TMEM63A: variants seen among roughly 807,000 people sequenced by gnomAD.
The protein encoded by TMEM63A is mechanosensitive cation channel TMEM63A.
Under a neutral mutation model 100.6 loss-of-function variants are expected in TMEM63A, and 76 were observed. The observed-to-expected ratio is 0.76, with a 90% confidence interval of 0.63 to 0.91. TMEM63A has a LOEUF of 0.91. TMEM63A is among the 40% of genes least tolerant of loss of function. The pLI is 0.00. For synonymous variants in TMEM63A, 401 were observed against 401.1 expected (o/e 1.00, Z 0.00); for missense variants, 876 against 1,008.8 (o/e 0.87, Z 1.78).
At chr1:225,855,193 AT>A (rs1345447244) in intron 18 of TMEM63A, among the ~76,000 whole-genome samples, 1 of 152,124 alleles carries the variant, frequency 6.6e-6, no homozygotes, top group East Asian at 1.9e-4. Context: ...TTAAGACCTA[AT>A]GTATAGTCTG....
chr1:225,868,204 T>C (rs1180831498), intron 6 of TMEM63A, among the ~76,000 whole-genome samples, 174 bp from the exon 7 acceptor site: 3 of 152,172 alleles, frequency 2.0e-5, no homozygotes, highest in African/African-American at 4.8e-5. Flanking sequence ...ACTTTCAGGA[T>C]CTCACATGAT....
rs943715228 is a variant in TMEM63A at position 225,845,710 on chromosome 1, C to T, written c.*1229G>A. ...TGGCCAGGGCTATGCTGCACCAGAC[C>T]AATGGCACCGCCCCCACCCCTCCCA... On this transcript the variant is annotated 3_prime_UTR_variant, in exon 25 of 25. Transcript: ENST00000366835. 7.7e-5 allele frequency: 29 copies of T among 376,250 alleles called. No homozygotes were observed. Among genetic ancestry groups the T allele is most frequent in the Middle Eastern group, 8.2e-4 (1 of 1,216 alleles). 23.3% of individuals were successfully genotyped at this position (376,250 alleles called of 1,614,324 possible).
chr1:225,851,810 GTT>G (rs1419991086), intron 20 of TMEM63A, among the ~76,000 whole-genome samples: 2 of 152,240 alleles, frequency 1.3e-5, no homozygotes, highest in Non-Finnish European at 2.9e-5. Flanking sequence ...AGTCTCTTGG[GTT>G]TTTTGTTTCC....
chr1:225,861,549 T>A (rs1358152271), intron 13 of TMEM63A: 3 of 153,698 alleles, frequency 2.0e-5, no homozygotes, highest in Non-Finnish European at 4.3e-5. Context: ...CCTGCCCCAG[T>A]GTCTGCAAGG....
chr1:225,844,203 G>C (rs45556036), downstream of TMEM63A, among the ~76,000 whole-genome samples: 1,089 of 152,220 alleles, frequency 7.2e-3, 16 homozygotes, highest in African/African-American at 0.025. Flanking sequence ...CGGTGCAGGG[G>C]TTGAGGGGAG....
downstream of TMEM63A, chr1:225,844,605 T>A (rs775682443): frequency 1.2e-6 from 2 of 1,614,100 alleles, no homozygotes; most frequent in Non-Finnish European, 1.7e-6. Flanking sequence ...CAGGGCTGGA[T>A]GACCCAGAAG....
chr1:225,872,038 C>A lies in TMEM63A; in HGVS notation c.282G>T (p.Gln94His). ...VSEADSESRF[Q>H]RLSSTSSSGQ... ...CTGAGGAGGAAGTCGATGACAATCT[C>A]TGAAATCTGGACTCGCTAGAGACAC... is the stretch of plus-strand genomic sequence containing the variant. Residue 94 changes from glutamine to histidine, a missense_variant, in exon 5 of 25, where the codon CAG becomes CAT. This residue lies in a region of TMEM63A where 487 missense variants were observed against 581.9 expected (regional missense o/e 0.84). Transcript: ENST00000366835. 2 of 1,612,120 alleles carry A rather than the reference C, an allele frequency of 1.2e-6. No individual in the cohort carries two copies. Among genetic ancestry groups the A allele is most frequent in the Non-Finnish European group, 1.7e-6 (2 of 1,179,012 alleles).
Position 225,875,511 on chromosome 1 carries a change from G to C in TMEM63A, c.187-1144C>G, listed in dbSNP as rs532953316. ...TTGTTTTCCTAAAGGAAATCCAGAA[G>C]ACCTGAACCCCAGAGGCACTGAGTT... On this transcript the variant is annotated intron_variant, in intron 3 of 24. Transcript: ENST00000366835. Among the ~76,000 whole-genome samples the C allele has an allele frequency of 4.6e-5, 7 of 152,328 alleles. No homozygotes were observed. In the East Asian group the frequency reaches 1.4e-3, roughly 29 times the overall value.
chr1:225,850,105 G>A (rs1207291183), intron 20 of TMEM63A, 26 bp from the exon 21 acceptor site: 9 of 1,612,348 alleles, frequency 5.6e-6, no homozygotes, highest in Non-Finnish European at 7.6e-6. Context: ...CTGTGAGCTG[G>A]AGACCTCGCA....
chr1:225,855,045 A>G (rs956743369), intron 18 of TMEM63A, among the ~76,000 whole-genome samples: 7 of 152,214 alleles, frequency 4.6e-5, no homozygotes, highest in Admixed American at 3.9e-4. Context: ...TGCTGGCTGT[A>G]TGTATGTGTG....
downstream of TMEM63A, chr1:225,844,664 G>A: frequency 6.2e-7 from 1 of 1,611,708 alleles, no homozygotes; most frequent in East Asian, 2.2e-5. Context: ...TCTGAGGCTG[G>A]AGGCAGGGGG....
At chr1:225,858,702 C>T (rs532014309) in intron 15 of TMEM63A, among the ~76,000 whole-genome samples, 7 of 152,226 alleles carry the variant, frequency 4.6e-5, no homozygotes, top group African/African-American at 1.2e-4. Context: ...CCCCAATCAA[C>T]GAAGCTTTTT....
At chr1:225,847,239 G>A (rs745571288) in intron 23 of TMEM63A, 26 bp from the exon 24 acceptor site, 2 of 1,606,528 alleles carry the variant, frequency 1.2e-6, no homozygotes, top group Non-Finnish European at 1.7e-6. Flanking sequence ...TTTGTGCTTG[G>A]CCTGGACAGG....
chr1:225,848,438 C>T, intron 23 of TMEM63A, 54 bp downstream of exon 23: 1 of 1,602,824 alleles, frequency 6.2e-7, no homozygotes, highest in Non-Finnish European at 8.5e-7. Flanking sequence ...GGGACTGTTA[C>T]AACCAAAGCA....
chr1:225,855,959 C>A lies in TMEM63A; in HGVS notation c.1572-19G>T. On this transcript the variant is annotated intron_variant, in intron 17 of 24. Transcript: ENST00000366835. ...ATCTAGACTGAAAAACAAAGGAACC[C>A]CCTAAGAGTTTATTTCCAGCATTCC... 3 of 1,612,480 alleles carry A rather than the reference C, an allele frequency of 1.9e-6. No homozygotes were observed. Among genetic ancestry groups the A allele is most frequent in the Middle Eastern group, 1.7e-4 (1 of 6,054 alleles).
At chr1:225,859,141 C>T (rs1669806187) in intron 15 of TMEM63A, 55 bp downstream of exon 15, 5 of 1,611,610 alleles carry the variant, frequency 3.1e-6, no homozygotes, top group Admixed American at 3.3e-5. Context: ...CCCCACCCAC[C>T]AAGCCCTCTT....
At chr1:225,845,457 T>A, downstream of TMEM63A, 3 of 1,179,028 alleles carry the variant, frequency 2.5e-6, no homozygotes, top group East Asian at 2.6e-5. Flanking sequence ...CCCCTGCCCA[T>A]GCTGGGAGCC....
chr1:225,872,004 CTTG>C lies in TMEM63A; in HGVS notation c.313_315del (p.Gln105del). 1 of 1,613,342 alleles carries C rather than the reference CTTG, an allele frequency of 6.2e-7. No homozygotes were observed. The highest frequency in any genetic ancestry group is 8.5e-7 in the Non-Finnish European group (1 of 1,179,626). On this transcript the variant is annotated inframe_deletion, in exon 5 of 25. Coordinates refer to ENST00000366835, the MANE Select transcript of TMEM63A (RefSeq NM_014698.3). ...ATACCAACCAGCTCATTTTCAAAGT[CTTG>C]TTGACCTGAGGAGGAAGTCGATGAC...
In TMEM63A at chr1:225,848,936, G is replaced by C; in HGVS notation, c.2148C>G (p.Cys716Trp). The C allele has an allele frequency of 6.2e-7, 1 of 1,604,150 alleles. No homozygotes were observed. Among genetic ancestry groups the C allele is most frequent in the African/African-American group, 1.3e-5 (1 of 74,970 alleles). The change falls in exon 22 of 25, where the codon TGC becomes TGG. Residue 716 changes from cysteine (C) to tryptophan (W), a missense_variant. Transcript: ENST00000366835. ...GGCTGAGGTGCTTGAAGCATCCAAAGCAGGTGTGAGCCAGGCAGACCAGGA... is the reference window on the plus strand; with the variant it reads ...GGCTGAGGTGCTTGAAGCATCCAAACCAGGTGTGAGCCAGGCAGACCAGGA... ...LTILVCLAHT[C>W]FGCFKHLSPL...
Sources: allele counts gnomAD v4.1 joint callset (sites outside exome capture counted in the v4.1 genomes callset), GRCh38; gene constraint gnomAD v4.1.1; regional missense constraint gnomAD v4.1.1; transcripts MANE v1.5; gene names NCBI Gene and HGNC (gene_info 2026-07-23, HGNC 2026-07-21).